MYOM1: variants seen among roughly 807,000 people sequenced by gnomAD.
MYOM1 encodes the protein myomesin-1.
Under a neutral mutation model 205.3 loss-of-function variants are expected in MYOM1, and 164 were observed. The ratio of observed to expected loss-of-function variants is 0.80; its 90% CI spans 0.70 to 0.91. The LOEUF is 0.91. Among genes scored for constraint, MYOM1 ranks in the 40% least tolerant of loss-of-function variants. The pLI, the probability that MYOM1 is intolerant of heterozygous loss-of-function variation, is 0.00. For synonymous variants in MYOM1, 772 were observed against 789.4 expected (o/e 0.98, Z 0.37); for missense variants, 2,011 against 2,127.3 (o/e 0.95, Z 1.08).
chr18:3,226,429 C>T, the MYOM1 span, among the ~76,000 whole-genome samples: 1 of 152,126 alleles, frequency 6.6e-6, no homozygotes, highest in Non-Finnish European at 1.5e-5. The surrounding 1 kb of genome is among the most constrained non-coding windows in gnomAD (Gnocchi z 4.6). Context: ...TTCTCCAGCT[C>T]CGCCCCTCTC....
intron 26 of MYOM1, among the ~76,000 whole-genome samples, chr18:3,093,819 T>C (rs2079260729): frequency 1.3e-5 from 2 of 152,300 alleles, no homozygotes; most frequent in East Asian, 3.9e-4. Flanking sequence ...AAGTCCGTGC[T>C]GGGGTGTCCA....
intron 10 of MYOM1, among the ~76,000 whole-genome samples, chr18:3,158,597 T>G (rs1250762066): frequency 6.6e-6 from 1 of 152,050 alleles, no homozygotes; most frequent in Admixed American, 6.6e-5. Flanking sequence ...GGAAAAACAA[T>G]CTCATTTCAA....
chr18:3,208,488 A>G (rs183904901), intron 2 of MYOM1, among the ~76,000 whole-genome samples: 146 of 152,268 alleles, frequency 9.6e-4, no homozygotes, highest in Non-Finnish European at 1.9e-3. Context: ...GCACCACTGC[A>G]CTCCAGCCTG....
chr18:3,245,864 A>C, the MYOM1 span: 61 of 152,332 alleles, frequency 4.0e-4, no homozygotes, highest in African/African-American at 1.5e-3. Context: ...GCCCTAACTA[A>C]CTGTACTGCA....
intron 21 of MYOM1, among the ~76,000 whole-genome samples, chr18:3,113,320 ATATATATATATATATG>A (rs1270950622): frequency 7.4e-3 from 28 of 3,776 alleles, no homozygotes; most frequent in Non-Finnish European, 0.029. Context: ...ATATATATAT[ATATATATATATATATG>A]TATGTATTTC....
In MYOM1 at chr18:3,089,537, C is replaced by A; in HGVS notation, c.4069G>T (p.Gly1357Cys). 1 of 1,604,896 alleles carries A rather than the reference C, an allele frequency of 6.2e-7. No individual in the cohort carries two copies. The highest frequency in any genetic ancestry group is 8.5e-7 in the Non-Finnish European group (1 of 1,175,816). ...FQRQEWIRKQGPHFVEYLSWE... is the reference protein window; with the variant it reads ...FQRQEWIRKQCPHFVEYLSWE... ...CTCTTTATCCACGGCCTATTTTTACCTTGTTTCCTGATCCATTCTTGCCGC... is the reference window on the plus strand; with the variant it reads ...CTCTTTATCCACGGCCTATTTTTACATTGTTTCCTGATCCATTCTTGCCGC... The change falls in exon 28 of 38, where the codon GGT (glycine) becomes TGT (cysteine). Residue 1357 changes from glycine (G) to cysteine (C), a missense_variant and splice_region_variant. Transcript: ENST00000356443.
intron 26 of MYOM1, among the ~76,000 whole-genome samples, chr18:3,091,353 T>C (rs1598660994): frequency 6.6e-6 from 1 of 151,276 alleles, no homozygotes; most frequent in Non-Finnish European, 1.5e-5. Context: ...TTGGGCATGG[T>C]GGTGTGCACC....
intron 33 of MYOM1, 120 bp from the exon 34 acceptor site, chr18:3,079,462 G>T: frequency 9.0e-7 from 1 of 1,111,656 alleles, no homozygotes; most frequent in Non-Finnish European, 1.2e-6. Flanking sequence ...CGAGGGATCT[G>T]CATATGTTAT....
Position 3,189,852 on chromosome 18 carries a change from T to C in MYOM1, c.432-765A>G, listed in dbSNP as rs1401181683. On this transcript the variant is annotated intron_variant, in intron 3 of 37. Transcript: ENST00000356443. This position sits in a 1 kb window ranked among gnomAD's most constrained non-coding sequence, Gnocchi z 4.8. ...CTAGTTTGTGTGCCTGTGACCCTGA[T>C]ACATGAGTAGGAGCTTGATCTGGGT... Among the ~76,000 whole-genome samples, 1 of 152,216 alleles carries C rather than the reference T, an allele frequency of 6.6e-6. No individual in the cohort carries two copies. Among genetic ancestry groups the C allele is most frequent in the Non-Finnish European group, 1.5e-5 (1 of 68,034 alleles).
intron 9 of MYOM1, among the ~76,000 whole-genome samples, chr18:3,166,900 T>C (rs2080480272): frequency 6.6e-6 from 1 of 152,176 alleles, no homozygotes; most frequent in Non-Finnish European, 1.5e-5. Context: ...CATAATCGTC[T>C]CTATAAATAA....
chr18:3,160,667 A>G (rs2080378704), intron 10 of MYOM1, among the ~76,000 whole-genome samples: 1 of 152,236 alleles, frequency 6.6e-6, no homozygotes, highest in African/African-American at 2.4e-5. Context: ...ATCTTTTTCT[A>G]AAGATTGTAA....
Position 3,141,990 on chromosome 18 carries a change from C to T in MYOM1, c.1974G>A (p.Trp658Ter). Residue 658 changes from tryptophan to a stop codon, truncating the protein, a stop_gained, in exon 14 of 38, where the codon TGG becomes TGA. Transcript: ENST00000356443. LOFTEE classifies it high-confidence loss of function. ...CATGACCACGCTGGCCAGGGGGCTT[C>T]CAGCTGAGCACCACATAGCTCCGGG... ...EATRSYVVLSWKPPGQRGHEG... is the reference protein window; with the variant it reads ...EATRSYVVLS 6.2e-7 allele frequency: 1 copy of T among 1,613,792 alleles called. No homozygotes were observed. Among genetic ancestry groups the T allele is most frequent in the Non-Finnish European group, 8.5e-7 (1 of 1,179,828 alleles).
At chr18:3,126,459 TA>T (rs1191214700) in intron 19 of MYOM1, among the ~76,000 whole-genome samples, 1 of 152,170 alleles carries the variant, frequency 6.6e-6, no homozygotes, top group Non-Finnish European at 1.5e-5. Context: ...CATTTCATAG[TA>T]AATATTCTAG....
chr18:3,069,170 C>T (rs1229274470), intron 37 of MYOM1, among the ~76,000 whole-genome samples: 4 of 152,120 alleles, frequency 2.6e-5, no homozygotes, highest in East Asian at 1.9e-4. Flanking sequence ...ACAAGTGATT[C>T]GGTTTCTCCA....
At chr18:3,232,191 G>A in the MYOM1 span, among the ~76,000 whole-genome samples, 4 of 151,792 alleles carry the variant, frequency 2.6e-5, no homozygotes, top group Non-Finnish European at 5.9e-5. Flanking sequence ...TTAGCGGGGT[G>A]TTGTGGCACA....
At chr18:3,102,268 T>C (rs894654351) in intron 23 of MYOM1, among the ~76,000 whole-genome samples, 2 of 152,050 alleles carry the variant, frequency 1.3e-5, no homozygotes, top group Non-Finnish European at 1.5e-5. Context: ...CCTCCCAAAG[T>C]GCTGGGATTA....
chr18:3,161,686 G>C lies in MYOM1; in HGVS notation c.1501+2592C>G, dbSNP rs369997728. On this transcript the variant is annotated intron_variant, in intron 10 of 37. Coordinates refer to ENST00000356443, the MANE Select transcript of MYOM1 (RefSeq NM_003803.4). ...CATACAGGAGAGAAACAAATCTTTT[G>C]TTATTTCATTTCAGCAGCTTAGTCT... Among the ~76,000 whole-genome samples, 49 of 152,290 alleles carry C rather than the reference G, an allele frequency of 3.2e-4. No individual in the cohort carries two copies. The South Asian group carries it at 6.8e-3, about 21-fold the overall frequency.
At chr18:3,220,097 T>C (rs555685228), upstream of MYOM1, 1 of 152,342 alleles carries the variant, frequency 6.6e-6, no homozygotes, top group African/African-American at 2.4e-5. Context: ...AGTAATATAA[T>C]TGCATAATGC....
chr18:3,123,833 T>TA lies in MYOM1; in HGVS notation c.2991+2867_2991+2868insT, dbSNP rs561154323. Among the ~76,000 whole-genome samples the TA allele has an allele frequency of 9.4e-5, 13 of 138,216 alleles. 1 individual carries two copies. In the South Asian group the frequency reaches 2.6e-3, roughly 28 times the overall value. 90.7% of individuals were successfully genotyped at this position (138,216 alleles called of 152,430 possible). A position where few individuals can be genotyped will look rare whatever the true frequency, so the allele number is the denominator to read the frequency against. ...CTATAATTTATTTTTATTTATTTATTTTTTTTGAGACAGGATCTCGCTCTG... is the reference window on the plus strand; with the variant it reads ...CTATAATTTATTTTTATTTATTTATTATTTTTTGAGACAGGATCTCGCTCTG... On this transcript the variant is annotated intron_variant, in intron 19 of 37. Transcript: ENST00000356443.
Sources: gnomAD v4.1 joint callset for allele counts (sites outside exome capture counted in the v4.1 genomes callset) on GRCh38, gnomAD v4.1.1 for gene constraint, Gnocchi (gnomAD v3.1) non-coding constraint, MANE v1.5 for transcripts, NCBI Gene and HGNC (gene_info 2026-07-23, HGNC 2026-07-21) for gene names.